Variants in LDHB observed in about 807,000 individuals in gnomAD.
LDHB encodes the protein lactate dehydrogenase B, also known as L-lactate dehydrogenase B chain.
Under a neutral mutation model 33.4 loss-of-function variants are expected in LDHB, and 18 were observed. The ratio of observed to expected loss-of-function variants is 0.54; its 90% CI spans 0.37 to 0.80. The LOEUF (loss-of-function observed/expected upper bound fraction) is 0.80. LDHB is among the 30% of genes least tolerant of loss of function. The pLI, the probability that LDHB is intolerant of heterozygous loss-of-function variation, is 0.00. For missense variants in LDHB, 345 were observed against 407.9 expected (o/e 0.85, Z 1.33); for synonymous variants, 121 against 140.6 (o/e 0.86, Z 0.98).
intron 3 of LDHB, among the ~76,000 whole-genome samples, chr12:21,645,239 A>AAGGCCAGGCCAGGCC (rs142902501): frequency 6.6e-6 from 1 of 151,866 alleles, no homozygotes; most frequent in Non-Finnish European, 1.5e-5. Context: ...TACACTATGG[A>AAGGCCAGGCCAGGCC]AGGCCGCAGG....
At chr12:21,639,785 CAAGA>C (rs1469172090) in intron 5 of LDHB, among the ~76,000 whole-genome samples, 1 of 151,944 alleles carries the variant, frequency 6.6e-6, no homozygotes, top group Non-Finnish European at 1.5e-5. Flanking sequence ...TTAATCTGAT[CAAGA>C]GAGACACATA....
At chr12:21,654,511 T>C in intron 2 of LDHB, 32 bp downstream of exon 2, 2 of 1,609,808 alleles carry the variant, frequency 1.2e-6, no homozygotes, top group Admixed American at 1.7e-5. Flanking sequence ...ATGCTGAACT[T>C]CTCTATCATC....
At chr12:21,641,213 TG>T (rs1227491093) in intron 5 of LDHB, among the ~76,000 whole-genome samples, 1 of 152,176 alleles carries the variant, frequency 6.6e-6, no homozygotes, top group African/African-American at 2.4e-5. Flanking sequence ...CAGAGTAACC[TG>T]GCAAAATACA....
intron 4 of LDHB, among the ~76,000 whole-genome samples, chr12:21,643,140 C>A (rs1938417973): frequency 6.6e-6 from 1 of 152,218 alleles, no homozygotes; most frequent in South Asian, 2.1e-4. Context: ...TCTGTCCTTG[C>A]TGGCTCTCAA....
In LDHB at chr12:21,638,448, A is replaced by G; in HGVS notation, c.618T>C (p.Asn206=). The change falls in exon 6 of 8, where the codon AAT becomes AAC. Residue 206 remains asparagine, a synonymous_variant. Coordinates refer to ENST00000350669, the MANE Select transcript of LDHB (RefSeq NM_002300.8). The stretch of plus-strand genomic sequence containing the variant: ...ATTCCTGGAGAGAAACACCTGCCAC[A>G]TTCACACCACTCCACACAGCCACTG... ...DSSVAVWSGV[N]VAGVSLQELN... 1 of 1,604,460 alleles carries G rather than the reference A, an allele frequency of 6.2e-7. No homozygotes were observed.
chr12:21,654,410 A>T, intron 2 of LDHB, 133 bp downstream of exon 2: 1 of 788,872 alleles, frequency 1.3e-6, no homozygotes, highest in Non-Finnish European at 2.1e-6. Flanking sequence ...GTGAAGTGGG[A>T]TTACATCTAC....
intron 5 of LDHB, among the ~76,000 whole-genome samples, chr12:21,639,765 C>A (rs1938318840): frequency 6.6e-6 from 1 of 151,996 alleles, no homozygotes; most frequent in Admixed American, 6.6e-5. Flanking sequence ...AAAAACTTTC[C>A]ATGCTCAAAT....
chr12:21,654,368 C>A, intron 2 of LDHB, 175 bp downstream of exon 2: 1 of 629,162 alleles, frequency 1.6e-6, no homozygotes, highest in Admixed American at 2.7e-5. Flanking sequence ...GAATATAATT[C>A]TTTTAGGAGA....
chr12:21,636,503 T>C (rs1938221433), intron 7 of LDHB, among the ~76,000 whole-genome samples: 1 of 152,102 alleles, frequency 6.6e-6, no homozygotes, highest in Admixed American at 6.6e-5. Flanking sequence ...TACACAAAAG[T>C]AGATAGAATA....
At position 21,635,351 on chromosome 12, in the gene LDHB, A is replaced by G; in HGVS notation, c.*191T>C. The G allele has an allele frequency of 1.7e-6, 1 of 605,714 alleles. No homozygotes were observed. Among genetic ancestry groups the G allele is most frequent in the Non-Finnish European group, 2.9e-6 (1 of 340,766 alleles). 37.5% of individuals were successfully genotyped at this position (605,714 alleles called of 1,614,324 possible). A position where few individuals can be genotyped will look rare whatever the true frequency, so the allele number is the denominator to read the frequency against. ...ATCCCAGAAACAGAAGCACACTACA[A>G]TAGTTAATTTTATTTGTTCAAGAGC... On this transcript the variant is annotated 3_prime_UTR_variant, in exon 8 of 8. Coordinates refer to ENST00000350669, the MANE Select transcript of LDHB (RefSeq NM_002300.8).
intron 2 of LDHB, among the ~76,000 whole-genome samples, chr12:21,649,085 A>G (rs1435648068): frequency 6.6e-6 from 1 of 152,254 alleles, no homozygotes; most frequent in East Asian, 1.9e-4. Context: ...AATTAATGCA[A>G]CATAACTTAA....
At chr12:21,642,183 C>G in intron 4 of LDHB, 58 bp from the exon 5 acceptor site, 6 of 1,296,520 alleles carry the variant, frequency 4.6e-6, no homozygotes, top group Non-Finnish European at 6.7e-6. Context: ...AACTGTTAGG[C>G]AGCTTGGGGT....
intron 5 of LDHB, among the ~76,000 whole-genome samples, chr12:21,639,867 T>C (rs1360883307): frequency 6.6e-6 from 1 of 151,940 alleles, no homozygotes; most frequent in African/African-American, 2.4e-5. Context: ...TTGAATAAAG[T>C]GATATGTGTC....
At chr12:21,648,628 GC>G (rs1182469297) in intron 2 of LDHB, among the ~76,000 whole-genome samples, 1 of 152,114 alleles carries the variant, frequency 6.6e-6, no homozygotes, top group African/African-American at 2.4e-5. Context: ...GGCAGCAGGG[GC>G]CACCAGACGG....
rs775823044 is a variant in LDHB, at chr12:21,644,067, C to A, written c.289G>T (p.Ala97Ser). 6.2e-7 allele frequency: 1 copy of A among 1,613,424 alleles called. No individual in the cohort carries two copies. The highest frequency in any genetic ancestry group is 8.5e-7 in the Non-Finnish European group (1 of 1,179,400). ...TANSKIVVVT[A>S]GVRQQEGESR... ...TCCCCTTCTTGCTGACGGACTCCTG[C>A]AGTTACCACTACAATCTTAGAATTG... Residue 97 changes from alanine to serine, a missense_variant, in exon 4 of 8, where the codon GCA (alanine) becomes TCA (serine). Transcript: ENST00000350669.
chr12:21,651,165 C>A (rs902193140), intron 2 of LDHB, among the ~76,000 whole-genome samples: 3 of 152,218 alleles, frequency 2.0e-5, no homozygotes, highest in Admixed American at 6.5e-5. Flanking sequence ...CATCATGTTG[C>A]ACTGGCAGGT....
chr12:21,652,911 T>A (rs1486511641), intron 2 of LDHB, among the ~76,000 whole-genome samples: 1 of 150,490 alleles, frequency 6.6e-6, no homozygotes, highest in Non-Finnish European at 1.5e-5. Flanking sequence ...AAGACTCAGT[T>A]TGCTGCTTTA....
intron 5 of LDHB, among the ~76,000 whole-genome samples, chr12:21,641,272 T>G (rs932443416): frequency 6.6e-6 from 1 of 152,180 alleles, no homozygotes; most frequent in Non-Finnish European, 1.5e-5. Flanking sequence ...TTGGCCACAC[T>G]GACATTACAT....
Position 21,644,081 on chromosome 12 carries a change from A to G in LDHB, c.275T>C (p.Ile92Thr). ...ACGGACTCCTGCAGTTACCACTACA[A>G]TCTTAGAATTGGCAGTCACAGAATA... Reference protein sequence around the residue: ...KDYSVTANSKIVVVTAGVRQQ... With the variant: ...KDYSVTANSKTVVVTAGVRQQ... The change falls in exon 4 of 8, where the codon ATT (isoleucine) becomes ACT (threonine). Residue 92 changes from isoleucine to threonine, a missense_variant. Physicochemically the swap from Ile to Thr is moderately conservative, Grantham distance 89. Transcript: ENST00000350669. 3 of 1,613,532 alleles carry G rather than the reference A, an allele frequency of 1.9e-6. No individual in the cohort carries two copies. The highest frequency in any genetic ancestry group is 2.5e-6 in the Non-Finnish European group (3 of 1,179,502).
Sources: gnomAD v4.1 joint callset for allele counts (sites outside exome capture counted in the v4.1 genomes callset) on GRCh38, gnomAD v4.1.1 for gene constraint, MANE v1.5 for transcripts, NCBI Gene and HGNC (gene_info 2026-07-23, HGNC 2026-07-21) for gene names.